CNTN6: variants seen among roughly 807,000 people sequenced by gnomAD.
The protein encoded by CNTN6 is contactin-6.
CNTN6 carries 137 observed loss-of-function variants against 122.8 expected under a neutral mutation model. The observed-to-expected ratio is 1.12, with a 90% CI of 0.97 to 1.29. The LOEUF (loss-of-function observed/expected upper bound fraction) is 1.29. Among genes scored for constraint, CNTN6 ranks in the 50% most tolerant of loss-of-function variants. The probability of loss-of-function intolerance (pLI) is 0.00; values close to 1 mark genes in which losing one functional copy is unlikely to be tolerated. For synonymous variants in CNTN6, 570 were observed against 426.0 expected, an observed-to-expected ratio of 1.34 and a Z score of -4.16; for missense variants, 1,634 against 1,223.4, an observed-to-expected ratio of 1.34 and a Z score of -5.01.
chr3:1,191,539 C>T (rs569261426), intron 2 of CNTN6, among the ~76,000 whole-genome samples: 1 of 152,300 alleles, frequency 6.6e-6, no homozygotes, highest in South Asian at 2.1e-4. Context: ...CTGGATCTCT[C>T]CCTAGGTACC....
chr3:1,133,627 A>C (rs2092395809), intron 1 of CNTN6, among the ~76,000 whole-genome samples: 1 of 151,270 alleles, frequency 6.6e-6, no homozygotes, highest in Non-Finnish European at 1.5e-5. Flanking sequence ...TCATGGAGCC[A>C]GTCAGTGACT....
At position 1,385,876 on chromosome 3, in the gene CNTN6, C is replaced by CCCACACCTCATTTCTTT. The variant is rs573799033; in HGVS notation, c.2704+80_2704+96dup. 180 of 1,318,128 alleles carry CCCACACCTCATTTCTTT rather than the reference C, an allele frequency of 1.4e-4. 1 individual carries two copies. The highest frequency in any genetic ancestry group is 1.1e-3 in the South Asian group (71 of 63,202). The allele number at this position is 1,318,128 out of a possible 1,614,324, so 81.7% of individuals were successfully genotyped here. A position where few individuals can be genotyped will look rare whatever the true frequency, so the allele number is the denominator to read the frequency against. On this transcript the variant is annotated intron_variant, in intron 20 of 22. Transcript: ENST00000446702. ...TCCTTTGCTTGATGTTCATTTCATT[C>CCCACACCTCATTTCTTT]CCACACCTCATTTCTTTACTAATTG...
intron 12 of CNTN6, among the ~76,000 whole-genome samples, chr3:1,358,395 C>T (rs1032646024): frequency 6.6e-6 from 1 of 151,448 alleles, no homozygotes; most frequent in African/African-American, 2.4e-5. Context: ...AGCAATTAGG[C>T]TACTCTTCTT....
At chr3:1,252,605 AAAT>A (rs2094689336) in intron 4 of CNTN6, among the ~76,000 whole-genome samples, 1 of 152,248 alleles carries the variant, frequency 6.6e-6, no homozygotes, top group African/African-American at 2.4e-5. Flanking sequence ...ATTTTAACAA[AAAT>A]AATAAAATAC....
At chr3:1,134,145 T>C (rs1009232008) in intron 1 of CNTN6, among the ~76,000 whole-genome samples, 1 of 152,172 alleles carries the variant, frequency 6.6e-6, no homozygotes, top group Non-Finnish European at 1.5e-5. Flanking sequence ...ATAACGTCTA[T>C]GTGCTTTTGA....
chr3:1,393,676 G>C (rs960819129), intron 20 of CNTN6, among the ~76,000 whole-genome samples: 2 of 151,250 alleles, frequency 1.3e-5, no homozygotes, highest in African/African-American at 4.9e-5. Context: ...TTGTATCATG[G>C]TAGACTGACA....
intron 2 of CNTN6, among the ~76,000 whole-genome samples, chr3:1,195,430 T>C (rs1466624723): frequency 1.3e-5 from 2 of 152,222 alleles, no homozygotes; most frequent in Middle Eastern, 3.2e-3. Context: ...AGGGAGTTGG[T>C]TGGCCAGTAT....
chr3:1,318,823 A>C (rs756532436), intron 7 of CNTN6, among the ~76,000 whole-genome samples: 6 of 151,714 alleles, frequency 4.0e-5, no homozygotes, highest in Non-Finnish European at 8.8e-5. Flanking sequence ...TGTGAAGATA[A>C]ATTAGCTATA....
chr3:1,171,944 A>C (rs1291533716), intron 2 of CNTN6, among the ~76,000 whole-genome samples: 1 of 152,182 alleles, frequency 6.6e-6, no homozygotes, highest in Non-Finnish European at 1.5e-5. Flanking sequence ...TCATAATTCT[A>C]AAGAACCATG....
intron 6 of CNTN6, among the ~76,000 whole-genome samples, chr3:1,296,791 C>T (rs945165924): frequency 6.6e-6 from 1 of 152,088 alleles, no homozygotes; most frequent in Non-Finnish European, 1.5e-5. Context: ...ATGAATACTA[C>T]TATTTATGAC....
intron 2 of CNTN6, among the ~76,000 whole-genome samples, chr3:1,197,350 G>A (rs1268611373): frequency 6.6e-6 from 1 of 152,164 alleles, no homozygotes; most frequent in Non-Finnish European, 1.5e-5. Flanking sequence ...TAATAATAGG[G>A]ATAGAGGTGG....
intron 20 of CNTN6, among the ~76,000 whole-genome samples, chr3:1,392,247 C>T (rs534045366): frequency 0.011 from 1,590 of 142,174 alleles, 5 homozygotes; most frequent in African/African-American, 0.032. Context: ...TCAGAAATAA[C>T]GCCGCATATC....
intron 4 of CNTN6, among the ~76,000 whole-genome samples, chr3:1,260,206 A>G (rs1003008110): frequency 2.0e-5 from 3 of 152,170 alleles, no homozygotes; most frequent in East Asian, 3.9e-4. Flanking sequence ...ATGACAAGCA[A>G]GAGAACTTTT....
At chr3:1,278,569 C>T (rs77364828) in intron 5 of CNTN6, 61 bp downstream of exon 5, 6 of 1,174,380 alleles carry the variant, frequency 5.1e-6, no homozygotes, top group Admixed American at 2.0e-5. Flanking sequence ...GATGTGAGCA[C>T]ATCAGGTCTT....
At chr3:1,198,813 CAG>C (rs2093817278) in intron 2 of CNTN6, among the ~76,000 whole-genome samples, 4 of 152,100 alleles carry the variant, frequency 2.6e-5, no homozygotes, top group Admixed American at 2.6e-4. Flanking sequence ...CGCACCCACT[CAG>C]AAACTAAGAG....
chr3:1,343,765 G>A (rs933779199), intron 11 of CNTN6, among the ~76,000 whole-genome samples: 1 of 152,002 alleles, frequency 6.6e-6, no homozygotes, highest in Non-Finnish European at 1.5e-5. Context: ...AGATGATGAT[G>A]TTATTACTAC....
chr3:1,262,298 T>G (rs1197418471), intron 4 of CNTN6, among the ~76,000 whole-genome samples: 2 of 152,052 alleles, frequency 1.3e-5, no homozygotes, highest in African/African-American at 4.8e-5. Context: ...TATGGGGGCA[T>G]GAACTATAAG....
At chr3:1,113,776 G>T (rs1005262674) in intron 1 of CNTN6, among the ~76,000 whole-genome samples, 1 of 152,182 alleles carries the variant, frequency 6.6e-6, no homozygotes, top group Non-Finnish European at 1.5e-5. Flanking sequence ...TTTAATCATA[G>T]GCTGCATCAA....
chr3:1,374,017 G>A lies in CNTN6; in HGVS notation c.2039G>A (p.Ser680Asn). 1 of 1,613,150 alleles carries A rather than the reference G, an allele frequency of 6.2e-7. No individual in the cohort carries two copies. Among genetic ancestry groups the A allele is most frequent in the East Asian group, 2.2e-5 (1 of 44,832 alleles). The change falls in exon 16 of 23, where the codon AGC becomes AAC. Residue 680 changes from serine (S) to asparagine (N), a missense_variant. Ser to Asn is a conservative substitution (Grantham distance 46). Coordinates refer to ENST00000446702, the MANE Select transcript of CNTN6 (RefSeq NM_001289080.2). ...GAATTTCGTGTTGTTGCCGGCAACA[G>A]CATTGGGATTGGAGAACCAAGTGAA... ...EYEFRVVAGN[S>N]IGIGEPSEPS...
Sources: allele counts gnomAD v4.1 joint callset (sites outside exome capture counted in the v4.1 genomes callset), GRCh38; gene constraint gnomAD v4.1.1; transcripts MANE v1.5; gene names NCBI Gene and HGNC (gene_info 2026-07-23, HGNC 2026-07-21).